The following SLC12A5 variants were observed in gnomAD, a reference collection of about 807,000 sequenced individuals.
SLC12A5 encodes the protein solute carrier family 12 member 5.
Under a neutral mutation model 124.0 loss-of-function variants are expected in SLC12A5, and 18 were observed. That is an observed-to-expected ratio of 0.15 (90% CI 0.10 to 0.22). The LOEUF is 0.22. Among genes scored for constraint, SLC12A5 ranks in the 10% least tolerant of loss-of-function variants. The pLI, the probability that SLC12A5 is intolerant of heterozygous loss-of-function variation, is 1.00. For missense variants in SLC12A5, 867 were observed against 1,478.7 expected (o/e 0.59, Z 6.78); for synonymous variants, 589 against 568.0 (o/e 1.04, Z -0.53).
In SLC12A5 at chr20:46,051,865, T is replaced by A; in HGVS notation, c.2372T>A (p.Phe791Tyr). 1 of 1,457,940 alleles carries A rather than the reference T, an allele frequency of 6.9e-7. No individual in the cohort carries two copies. Among genetic ancestry groups the A allele is most frequent in the Non-Finnish European group, 9.2e-7 (1 of 1,091,448 alleles). The allele number at this position is 1,457,940 out of a possible 1,614,324, so 90.3% of individuals were successfully genotyped here. The change falls in exon 18 of 26, where the codon TTC becomes TAC. Residue 791 changes from phenylalanine (F) to tyrosine (Y), a missense_variant. This residue lies in a region of SLC12A5 where 110 missense variants were observed against 149.9 expected (regional missense o/e 0.73). Coordinates refer to ENST00000243964, the MANE Select transcript of SLC12A5 (RefSeq NM_020708.5). Reference protein sequence around the residue: ...QKEDHQTWRNFIELVRETTAG... With the variant: ...QKEDHQTWRNYIELVRETTAG... Reference sequence around the variant, plus strand: ...GAAGATCATCAGACGTGGAGGAACTTCATTGGTAACGCTATTGGGGGCTGG... The same window carrying A: ...GAAGATCATCAGACGTGGAGGAACTACATTGGTAACGCTATTGGGGGCTGG...
rs1257556544 is a variant in SLC12A5 at position 46,055,033 on chromosome 20, C to T, written c.2787+10C>T. ...TGAGCGGGAGCGGGAGGTGAGGTTGCCCTGGCTGGCCCCTGAGAGCCTCAA... is the reference window on the plus strand; with the variant it reads ...TGAGCGGGAGCGGGAGGTGAGGTTGTCCTGGCTGGCCCCTGAGAGCCTCAA... On this transcript the variant is annotated intron_variant, in intron 21 of 25. Coordinates refer to ENST00000243964, the MANE Select transcript of SLC12A5 (RefSeq NM_020708.5). The T allele has an allele frequency of 6.2e-7, 1 of 1,608,536 alleles. No homozygotes were observed. The highest frequency in any genetic ancestry group is 1.3e-5 in the African/African-American group (1 of 74,912).
upstream of SLC12A5, chr20:46,029,069 T>C: frequency 1.6e-6 from 2 of 1,229,602 alleles, no homozygotes; most frequent in Non-Finnish European, 1.0e-6. Context: ...CTCTTCTCTC[T>C]CCCTCCCGCT....
upstream of SLC12A5, chr20:46,029,026 G>A (rs1316737783): frequency 3.7e-6 from 3 of 803,340 alleles, no homozygotes; most frequent in East Asian, 4.5e-5. Flanking sequence ...GTGCAAGGGG[G>A]CCACTAGTCG....
At position 46,053,031 on chromosome 20, in the gene SLC12A5, C is replaced by G. The variant is rs201268862; in HGVS notation, c.2452C>G (p.Pro818Ala). ...GAACGTTTCCATGTTTCCTGGGAAC[C>G]CTGAGCGCTTCTCTGAGGGCAGCAT... ...TKNVSMFPGN[P>A]ERFSEGSIDV... Residue 818 changes from proline (P) to alanine (A), a missense_variant, in exon 19 of 26, where the codon CCT becomes GCT. Transcript: ENST00000243964. The surrounding 1 kb of genome is among the most constrained non-coding windows in gnomAD (Gnocchi z 4.7). 791 of 1,614,042 alleles carry G rather than the reference C, an allele frequency of 4.9e-4. No individual in the cohort carries two copies. Among genetic ancestry groups the G allele is most frequent in the Non-Finnish European group, 6.1e-4 (718 of 1,180,016 alleles).
rs1460872544 is a variant in SLC12A5, at chr20:46,057,546, C to G, written c.3292C>G (p.Leu1098Val). 2.5e-6 allele frequency: 4 copies of G among 1,614,052 alleles called. No individual in the cohort carries two copies. Among genetic ancestry groups the G allele is most frequent in the Non-Finnish European group, 3.4e-6 (4 of 1,180,050 alleles). ...GTTTCTCGAGGTCCTCACAGAGCAC[C>G]TGGACCGGGTGATGCTGGTCCGCGG... Reference protein sequence around the residue: ...MEFLEVLTEHLDRVMLVRGGG... With the variant: ...MEFLEVLTEHVDRVMLVRGGG... The change falls in exon 26 of 26, where the codon CTG becomes GTG. Residue 1098 changes from leucine to valine, a missense_variant. Physicochemically the swap from Leu to Val is conservative, Grantham distance 32. This residue lies in a region of SLC12A5 where 180 missense variants were observed against 243.6 expected (regional missense o/e 0.74). Transcript: ENST00000243964. The surrounding 1 kb of genome is among the most constrained non-coding windows in gnomAD (Gnocchi z 7.1).
intron 11 of SLC12A5, chr20:46,044,617 T>C (rs2145493167): frequency 6.8e-6 from 2 of 292,970 alleles, no homozygotes; most frequent in Non-Finnish European, 1.3e-5. Flanking sequence ...GGAGCACTCA[T>C]GTCTGAAGGG....
rs1214567507 is a variant in SLC12A5 at position 46,059,883 on chromosome 20, G to A, written c.*2278G>A. 5.4e-6 allele frequency: 2 copies of A among 373,708 alleles called. No individual in the cohort carries two copies. Among genetic ancestry groups the A allele is most frequent in the Non-Finnish European group, 4.7e-6 (1 of 210,672 alleles). 23.1% of individuals were successfully genotyped at this position (373,708 alleles called of 1,614,324 possible). On this transcript the variant is annotated 3_prime_UTR_variant, in exon 26 of 26. Coordinates refer to ENST00000243964, the MANE Select transcript of SLC12A5 (RefSeq NM_020708.5). ...ATGAAGTTGAAAACCCTTGTAAATA[G>A]GAGAGGTTGCAAACCAAATCAAGAG...
At chr20:46,043,466 G>A in intron 9 of SLC12A5, 143 bp downstream of exon 9, 3 of 1,262,504 alleles carry the variant, frequency 2.4e-6, no homozygotes, top group Non-Finnish European at 3.3e-6. Context: ...GAGAGATGAG[G>A]GAATTAAGGC....
downstream of SLC12A5, among the ~76,000 whole-genome samples, chr20:46,024,141 CTGTGTGTGTGTG>C (rs3222615): frequency 4.1e-5 from 6 of 147,744 alleles, no homozygotes; most frequent in East Asian, 8.0e-4. Context: ...GTGGCAGAGG[CTGTGTGTGTGTG>C]TGTGTGTGTG....
downstream of SLC12A5, among the ~76,000 whole-genome samples, chr20:46,023,767 G>T (rs1318139349): frequency 2.0e-5 from 3 of 152,174 alleles, no homozygotes; most frequent in Non-Finnish European, 4.4e-5. Flanking sequence ...CCGGTGGATG[G>T]CAGTCGTTTT....
rs1318524436 is a variant in SLC12A5, at chr20:46,052,929, C to T, written c.2378-28C>T. 5.7e-6 allele frequency: 9 copies of T among 1,587,514 alleles called. No homozygotes were observed. In the East Asian group the frequency reaches 1.8e-4, roughly 32 times the overall value. On this transcript the variant is annotated intron_variant, in intron 18 of 25. Transcript: ENST00000243964. ...GGAGAACCAGAGTCACTGTTTCCCC[C>T]TCTGGCCCTCTCCTTGGCCTCCCTC...
intron 1 of SLC12A5, among the ~76,000 whole-genome samples, chr20:46,032,686 A>G (rs2084464266): frequency 6.6e-6 from 1 of 152,220 alleles, no homozygotes; most frequent in South Asian, 2.1e-4. Context: ...TGAAGCTGGG[A>G]CTGGAATGTC....
chr20:46,055,723 T>A (rs1052451777), intron 21 of SLC12A5: 1 of 188,314 alleles, frequency 5.3e-6, no homozygotes, highest in African/African-American at 2.4e-5. Context: ...GGGTGGGTAA[T>A]GTATTTATCA....
intron 6 of SLC12A5, among the ~76,000 whole-genome samples, chr20:46,040,053 A>C (rs2084532356): frequency 6.6e-6 from 1 of 152,182 alleles, no homozygotes; most frequent in African/African-American, 2.4e-5. Flanking sequence ...TTTGTTTTTG[A>C]GATGGGGTCA....
chr20:46,053,543 G>GCTGGAC lies in SLC12A5; in HGVS notation c.2548-32_2548-27dup. 6.2e-7 allele frequency: 1 copy of GCTGGAC among 1,611,522 alleles called. No homozygotes were observed. The highest frequency in any genetic ancestry group is 1.1e-5 in the South Asian group (1 of 91,048). On this transcript the variant is annotated intron_variant, in intron 19 of 25. Coordinates refer to ENST00000243964, the MANE Select transcript of SLC12A5 (RefSeq NM_020708.5). The surrounding 1 kb of genome is among the most constrained non-coding windows in gnomAD (Gnocchi z 4.7). ...CCCTGGATCTCCTCATCACATCTGG[G>GCTGGAC]CTGGACCTTTCTGAATCCCCTTCAT...
intron 7 of SLC12A5, 161 bp from the exon 8 acceptor site, chr20:46,041,168 A>G (rs541257748): frequency 1.6e-6 from 1 of 634,172 alleles, no homozygotes; most frequent in African/African-American, 1.8e-5. Context: ...CTTAAGAAAA[A>G]AAAAAAAAAG....
intron 1 of SLC12A5, among the ~76,000 whole-genome samples, chr20:46,033,976 A>G (rs1383329574): frequency 1.3e-5 from 2 of 151,992 alleles, no homozygotes; most frequent in African/African-American, 2.4e-5. Context: ...AAACTCTTCA[A>G]TGACTCCCCA....
At position 46,058,692 on chromosome 20, in the gene SLC12A5, A is replaced by G; in HGVS notation, c.*1087A>G. On this transcript the variant is annotated 3_prime_UTR_variant, in exon 26 of 26. Coordinates refer to ENST00000243964, the MANE Select transcript of SLC12A5 (RefSeq NM_020708.5). This position sits in a 1 kb window ranked among gnomAD's most constrained non-coding sequence, Gnocchi z 5.8. The stretch of plus-strand genomic sequence containing the variant: ...TCCTCGCCAAAGACTGAAATTGTGG[A>G]GCTGGAGGGCGCCCCCTCCCCGGAG... 1 of 398,872 alleles carries G rather than the reference A, an allele frequency of 2.5e-6. No individual in the cohort carries two copies. The highest frequency in any genetic ancestry group is 4.4e-6 in the Non-Finnish European group (1 of 226,062). The allele number at this position is 398,872 out of a possible 1,614,324, so 24.7% of individuals were successfully genotyped here.
intron 1 of SLC12A5, chr20:46,021,895 C>T (rs2084358455): frequency 6.6e-7 from 1 of 1,519,696 alleles, no homozygotes; most frequent in South Asian, 1.2e-5. Flanking sequence ...AGGTAGAGGC[C>T]GCAGGGGGCG....
Sources: allele counts gnomAD v4.1 joint callset (sites outside exome capture counted in the v4.1 genomes callset), GRCh38; gene constraint gnomAD v4.1.1; regional missense constraint gnomAD v4.1.1; non-coding constraint Gnocchi (gnomAD v3.1); transcripts MANE v1.5; gene names NCBI Gene and HGNC (gene_info 2026-07-23, HGNC 2026-07-21).